Variants in POMC observed in about 807,000 individuals in gnomAD.
The protein encoded by POMC is pro-opiomelanocortin.
A neutral mutation model predicts 18.5 loss-of-function variants in POMC; 19 were observed. That is an observed-to-expected ratio of 1.03 (90% CI 0.72 to 1.51). POMC has a LOEUF of 1.51. POMC is among the 40% of genes most tolerant of loss of function. The pLI is 0.00. For missense variants in POMC, 451 were observed against 379.0 expected, an observed-to-expected ratio of 1.19 and a Z score of -1.58; for synonymous variants, 179 against 161.9, an observed-to-expected ratio of 1.11 and a Z score of -0.80.
intron 1 of POMC, among the ~76,000 whole-genome samples, 182 bp from the exon 2 acceptor site, chr2:25,164,974 A>C (rs1459210956): frequency 2.2e-5 from 1 of 44,726 alleles, no homozygotes; most frequent in African/African-American, 9.1e-5. Flanking sequence ...AAGTTGTGAT[A>C]AGGAGGAGGG....
chr2:25,160,918 A>G lies in POMC; in HGVS notation c.*163T>C. ...AGTTTACATTCAAAGTCAGAGGTGG[A>G]TGTGAAATTTGAAAGGTTTTATTTC... On this transcript the variant is annotated 3_prime_UTR_variant, in exon 3 of 3. Coordinates refer to ENST00000395826, the MANE Select transcript of POMC (RefSeq NM_000939.4). The G allele has an allele frequency of 1.8e-6, 2 of 1,116,010 alleles. No individual in the cohort carries two copies. Among genetic ancestry groups the G allele is most frequent in the Non-Finnish European group, 1.2e-6 (1 of 803,692 alleles). 69.1% of individuals were successfully genotyped at this position (1,116,010 alleles called of 1,614,324 possible). A position where few individuals can be genotyped will look rare whatever the true frequency, so the allele number is the denominator to read the frequency against.
intron 2 of POMC, among the ~76,000 whole-genome samples, chr2:25,162,319 G>A (rs1671420796): frequency 6.6e-6 from 1 of 152,162 alleles, no homozygotes; most frequent in East Asian, 1.9e-4. Context: ...GTGTGGTGGC[G>A]GGCGCCTGTA....
intron 1 of POMC, among the ~76,000 whole-genome samples, chr2:25,166,159 G>A (rs752178229): frequency 6.6e-6 from 1 of 152,196 alleles, no homozygotes; most frequent in African/African-American, 2.4e-5. Context: ...TTCCCCAGGC[G>A]CTGGGCCTGC....
chr2:25,163,360 G>T (rs1671455402), intron 2 of POMC, among the ~76,000 whole-genome samples: 1 of 152,228 alleles, frequency 6.6e-6, no homozygotes, highest in Non-Finnish European at 1.5e-5. Flanking sequence ...GGTGAGCTGT[G>T]CTGTGGGTGT....
chr2:25,161,804 C>G lies in POMC; in HGVS notation c.133-52G>C. Reference sequence around the variant, plus strand: ...GCAGCCCGTGCCCCGCACCCCGGCCCGGCTGCCGCGCCCGTCACTGCGCCT... The same window carrying G: ...GCAGCCCGTGCCCCGCACCCCGGCCGGGCTGCCGCGCCCGTCACTGCGCCT... On this transcript the variant is annotated intron_variant, in intron 2 of 2. Transcript: ENST00000395826. This position sits in a 1 kb window ranked among gnomAD's most constrained non-coding sequence, Gnocchi z 5.7. 4 of 1,529,570 alleles carry G rather than the reference C, an allele frequency of 2.6e-6. No individual in the cohort carries two copies. The highest frequency in any genetic ancestry group is 2.4e-5 in the South Asian group (2 of 82,502). The allele number at this position is 1,529,570 out of a possible 1,614,324, so 94.7% of individuals were successfully genotyped here. A position where few individuals can be genotyped will look rare whatever the true frequency, so the allele number is the denominator to read the frequency against.
chr2:25,161,311 C>G lies in POMC; in HGVS notation c.574G>C (p.Asp192His), dbSNP rs775159616. Residue 192 changes from aspartate to histidine, a missense_variant, in exon 3 of 3, where the codon GAC becomes CAC. Coordinates refer to ENST00000395826, the MANE Select transcript of POMC (RefSeq NM_000939.4). The surrounding 1 kb of genome is among the most constrained non-coding windows in gnomAD (Gnocchi z 5.7). ...GQRLREGDGP[D>H]GPADDGAGAQ... ...CCTGCGCCGTCATCGGCAGGGCCGT[C>G]GGGGCCATCTCCCTCCCGGAGTCGC... 3 of 1,608,886 alleles carry G rather than the reference C, an allele frequency of 1.9e-6. No individual in the cohort carries two copies. The highest frequency in any genetic ancestry group is 2.5e-6 in the Non-Finnish European group (3 of 1,178,014).
rs1335262265 is a variant in POMC at position 25,165,415 on chromosome 2, T to C, written c.-20-623A>G. 4.6e-5 allele frequency among the ~76,000 whole-genome samples: 7 copies of C among 152,340 alleles called. No homozygotes were observed. The East Asian group carries it at 1.3e-3, about 29-fold the overall frequency. ...GCATTTCGAGCAGCCTGATTTGATG[T>C]CCTGCACACAAATTACTCTGGTGAT... On this transcript the variant is annotated intron_variant, in intron 1 of 2. Coordinates refer to ENST00000395826, the MANE Select transcript of POMC (RefSeq NM_000939.4).
At position 25,161,721 on chromosome 2, in the gene POMC, G is replaced by A. The variant is rs1286128666; in HGVS notation, c.164C>T (p.Ser55Leu). The A allele has an allele frequency of 2.5e-6, 4 of 1,593,664 alleles. No homozygotes were observed. Among genetic ancestry groups the A allele is most frequent in the Non-Finnish European group, 3.4e-6 (4 of 1,171,166 alleles). Residue 55 changes from serine (S) to leucine (L), a missense_variant, in exon 3 of 3, where the codon TCG (serine) becomes TTG (leucine). Transcript: ENST00000395826. The surrounding 1 kb of genome is among the most constrained non-coding windows in gnomAD (Gnocchi z 5.7). Reference protein sequence around the residue: ...ECIRACKPDLSAETPMFPGNG... With the variant: ...ECIRACKPDLLAETPMFPGNG... ...TCCCGGGAACATGGGAGTCTCGGCC[G>A]AGAGGTCGGGCTTGCAGGCCCGGAT...
chr2:25,165,673 A>C (rs946399225), intron 1 of POMC: 2 of 152,260 alleles, frequency 1.3e-5, no homozygotes, highest in Non-Finnish European at 2.9e-5. Context: ...CTTTTGGAGA[A>C]TCCAGCAAGT....
intron 2 of POMC, among the ~76,000 whole-genome samples, chr2:25,163,972 C>T (rs1055989899): frequency 1.3e-5 from 2 of 151,854 alleles, no homozygotes; most frequent in African/African-American, 4.8e-5. Context: ...CTCATTTATG[C>T]CCCCCAACAC....
At position 25,161,513 on chromosome 2, in the gene POMC, G is replaced by A; in HGVS notation, c.372C>T (p.Arg124=). The A allele has an allele frequency of 6.3e-7, 1 of 1,595,772 alleles. No homozygotes were observed. Among genetic ancestry groups the A allele is most frequent in the Non-Finnish European group, 8.5e-7 (1 of 1,171,770 alleles). The change falls in exon 3 of 3, where the codon CGC becomes CGT. Residue 124 remains arginine, a synonymous_variant. Transcript: ENST00000395826. This position sits in a 1 kb window ranked among gnomAD's most constrained non-coding sequence, Gnocchi z 5.7. ...GPLPEGGPEP[R]SDGAKPGPRE... ...GCGGGCCCGGCTTGGCACCATCGCT[G>A]CGGGGCTCGGGGCCGCCCTCAGGCA...
intron 2 of POMC, among the ~76,000 whole-genome samples, chr2:25,162,631 C>G (rs530473958): frequency 1.3e-5 from 2 of 152,110 alleles, no homozygotes; most frequent in Admixed American, 6.5e-5. Context: ...CCTGTGTGAA[C>G]CTGGGAGGTG....
intron 2 of POMC, among the ~76,000 whole-genome samples, chr2:25,163,264 G>C (rs1451060847): frequency 6.6e-6 from 1 of 152,216 alleles, no homozygotes; most frequent in Non-Finnish European, 1.5e-5. Context: ...GAGACTCAGA[G>C]AGGTGATAGG....
rs1208512558 is a variant in POMC, at chr2:25,161,623, C to G, written c.262G>C (p.Gly88Arg). The change falls in exon 3 of 3, where the codon GGC (glycine) becomes CGC (arginine). Residue 88 changes from glycine to arginine, a missense_variant. Coordinates refer to ENST00000395826, the MANE Select transcript of POMC (RefSeq NM_000939.4). The surrounding 1 kb of genome is among the most constrained non-coding windows in gnomAD (Gnocchi z 5.7). ...CCGCTGCTGCTGCTGTTGCGGCGGC[C>G]GAATCGGTCCCAGCGGAAGTGGCCC... ...VMGHFRWDRF[G>R]RRNSSSSGSS... 3 of 1,548,660 alleles carry G rather than the reference C, an allele frequency of 1.9e-6. No homozygotes were observed. The highest frequency in any genetic ancestry group is 4.9e-5 in the East Asian group (2 of 41,060).
In POMC at chr2:25,161,742, C is replaced by G. The variant is rs763349234; in HGVS notation, c.143G>C (p.Arg48Pro). 3.1e-6 allele frequency: 5 copies of G among 1,593,760 alleles called. No individual in the cohort carries two copies. In the African/African-American group the frequency reaches 4.0e-5, roughly 13 times the overall value. Reference sequence around the variant, plus strand: ...GGCCGAGAGGTCGGGCTTGCAGGCCCGGATGCACTCCTGGGGGAAGACGCG... The same window carrying G: ...GGCCGAGAGGTCGGGCTTGCAGGCCGGGATGCACTCCTGGGGGAAGACGCG... ...TTESNLLECI[R>P]ACKPDLSAET... is the part of the protein sequence containing the mutation. The change falls in exon 3 of 3, where the codon CGG becomes CCG. Residue 48 changes from arginine (R) to proline (P), a missense_variant. Physicochemically the swap from Arg to Pro is moderately radical, Grantham distance 103 (BLOSUM62 -2). Coordinates refer to ENST00000395826, the MANE Select transcript of POMC (RefSeq NM_000939.4). The surrounding 1 kb of genome is among the most constrained non-coding windows in gnomAD (Gnocchi z 5.7).
chr2:25,161,813 C>A lies in POMC; in HGVS notation c.133-61G>T. ...GCCCCGCACCCCGGCCCGGCTGCCG[C>A]GCCCGTCACTGCGCCTAGGCCCTGG... On this transcript the variant is annotated intron_variant, in intron 2 of 2. Transcript: ENST00000395826. The surrounding 1 kb of genome is among the most constrained non-coding windows in gnomAD (Gnocchi z 5.7). The A allele has an allele frequency of 2.6e-6, 4 of 1,520,742 alleles. No homozygotes were observed. The South Asian group carries it at 3.7e-5, about 14-fold the overall frequency. The allele number at this position is 1,520,742 out of a possible 1,614,324, so 94.2% of individuals were successfully genotyped here.
At chr2:25,167,910 T>C (rs939355100) in intron 1 of POMC, among the ~76,000 whole-genome samples, 1 of 151,976 alleles carries the variant, frequency 6.6e-6, no homozygotes. Flanking sequence ...TGCCAGAACT[T>C]TGGGGGGCCA....
intron 2 of POMC, among the ~76,000 whole-genome samples, chr2:25,162,456 C>CA (rs559643525): frequency 4.0e-5 from 6 of 151,478 alleles, no homozygotes; most frequent in African/African-American, 1.5e-4. Context: ...GACTCCGTCT[C>CA]AAAAAAATAA....
rs764760394 is a variant in POMC at position 25,161,245 on chromosome 2, C to CAGAA, written c.639_640insTTCT (p.Glu214PhefsTer2). On this transcript the variant is annotated frameshift_variant, in exon 3 of 3. Transcript: ENST00000395826. LOFTEE classifies it high-confidence loss of function. This position sits in a 1 kb window ranked among gnomAD's most constrained non-coding sequence, Gnocchi z 5.7. ...CTGTAGGGGCCCTCGTCCTTCTTCT[C>CAGAA]GGCCGCCACCAGCAGGCTGTGCTCC... The CAGAA allele has an allele frequency of 1.1e-5, 17 of 1,612,038 alleles. No individual in the cohort carries two copies. Among genetic ancestry groups the CAGAA allele is most frequent in the Non-Finnish European group, 1.4e-5 (17 of 1,179,156 alleles).
Sources: gnomAD v4.1 joint callset for allele counts (sites outside exome capture counted in the v4.1 genomes callset) on GRCh38, gnomAD v4.1.1 for gene constraint, Gnocchi (gnomAD v3.1) non-coding constraint, MANE v1.5 for transcripts, NCBI Gene and HGNC (gene_info 2026-07-23, HGNC 2026-07-21) for gene names.